Variants in GPC5 observed in about 807,000 individuals in gnomAD.
GPC5 encodes glypican-5.
Under a neutral mutation model 53.9 loss-of-function variants are expected in GPC5, and 47 were observed. The ratio of observed to expected loss-of-function variants is 0.87; its 90% CI spans 0.69 to 1.11. GPC5 has a LOEUF of 1.11. GPC5 is among the 50% of genes most tolerant of loss of function. The pLI, the probability that GPC5 is intolerant of heterozygous loss-of-function variation, is 0.00. For synonymous variants in GPC5, 286 were observed against 263.3 expected, an observed-to-expected ratio of 1.09 and a Z score of -0.84; for missense variants, 748 against 713.1, an observed-to-expected ratio of 1.05 and a Z score of -0.56.
chr13:91,916,840 T>A (rs900228221), intron 6 of GPC5, among the ~76,000 whole-genome samples: 1 of 152,006 alleles, frequency 6.6e-6, no homozygotes, highest in African/African-American at 2.4e-5. Flanking sequence ...GAAAACAGCA[T>A]CAGAAACCAC....
intron 3 of GPC5, among the ~76,000 whole-genome samples, chr13:91,698,499 A>C (rs1424630159): frequency 2.0e-5 from 3 of 152,172 alleles, no homozygotes; most frequent in Non-Finnish European, 4.4e-5. Context: ...GAAAAGTTAA[A>C]GTAGCAGCCT....
chr13:92,564,769 T>G (rs1005014379), intron 7 of GPC5, among the ~76,000 whole-genome samples: 1 of 152,042 alleles, frequency 6.6e-6, no homozygotes, highest in African/African-American at 2.4e-5. Context: ...GGTAAGAACA[T>G]GTGGAATTTG....
In GPC5 at chr13:91,706,164, C is replaced by A. The variant is rs183438159; in HGVS notation, c.1020+12283C>A. ...AAAGTGTTGGGATTACAGGCATGAG[C>A]CACCGCACCTGGCCCTAGCTACATG... On this transcript the variant is annotated intron_variant, in intron 3 of 7. Transcript: ENST00000377067. 4.4e-3 allele frequency among the ~76,000 whole-genome samples: 664 copies of A among 152,038 alleles called. 3 individuals are homozygous for A. Among genetic ancestry groups the A allele is most frequent in the Admixed American group, 0.011 (164 of 15,276 alleles).
intron 2 of GPC5, among the ~76,000 whole-genome samples, chr13:91,542,623 C>A (rs1415015092): frequency 6.6e-6 from 1 of 152,198 alleles, no homozygotes; most frequent in Non-Finnish European, 1.5e-5. Flanking sequence ...TTGCATCCCT[C>A]CTTAGGGCTC....
chr13:91,752,269 T>C (rs1034249784), intron 4 of GPC5, among the ~76,000 whole-genome samples: 2 of 152,224 alleles, frequency 1.3e-5, no homozygotes, highest in African/African-American at 2.4e-5. Flanking sequence ...TATGTATGTA[T>C]AGACAGGGTC....
intron 2 of GPC5, among the ~76,000 whole-genome samples, chr13:91,504,829 C>G (rs1294898741): frequency 6.6e-6 from 1 of 152,016 alleles, no homozygotes; most frequent in East Asian, 1.9e-4. Context: ...TGGCATGCAC[C>G]TGTAGTCCCA....
chr13:92,107,332 C>T (rs895001313), intron 6 of GPC5, among the ~76,000 whole-genome samples: 1 of 151,566 alleles, frequency 6.6e-6, no homozygotes, highest in African/African-American at 2.4e-5. Context: ...TGGCAGTATA[C>T]CTGGTAAATA....
At chr13:92,278,039 C>A (rs1368842625) in intron 7 of GPC5, among the ~76,000 whole-genome samples, 1 of 151,768 alleles carries the variant, frequency 6.6e-6, no homozygotes, top group Non-Finnish European at 1.5e-5. Context: ...TAGGCTATTA[C>A]TCTCTGGAGT....
At chr13:91,658,050 A>G (rs1412295022) in intron 2 of GPC5, among the ~76,000 whole-genome samples, 1 of 152,120 alleles carries the variant, frequency 6.6e-6, no homozygotes, top group East Asian at 1.9e-4. Context: ...TGTCTTCAAG[A>G]ATTTCCTCTT....
intron 6 of GPC5, among the ~76,000 whole-genome samples, chr13:92,104,282 T>C (rs1233380731): frequency 6.6e-6 from 1 of 152,180 alleles, no homozygotes; most frequent in Non-Finnish European, 1.5e-5. Context: ...AGGGGTACAG[T>C]ATAGATCAAA....
chr13:91,816,822 G>A (rs1374130425), intron 5 of GPC5, among the ~76,000 whole-genome samples: 1 of 152,106 alleles, frequency 6.6e-6, no homozygotes, highest in Non-Finnish European at 1.5e-5. Context: ...CTTGAGGTTA[G>A]CAATCATGTG....
At chr13:92,492,118 G>A (rs1039904602) in intron 7 of GPC5, among the ~76,000 whole-genome samples, 1 of 152,056 alleles carries the variant, frequency 6.6e-6, no homozygotes, top group Non-Finnish European at 1.5e-5. Flanking sequence ...AATACATATA[G>A]AAGAAGCAGG....
chr13:91,772,457 C>T lies in GPC5; in HGVS notation c.1280+16037C>T, dbSNP rs529540110. ...ATGTTATTGTCAGTACATAATCATACATTTGGGCTCATTTTGAGAAGTTTA... is the reference window on the plus strand; with the variant it reads ...ATGTTATTGTCAGTACATAATCATATATTTGGGCTCATTTTGAGAAGTTTA... On this transcript the variant is annotated intron_variant, in intron 5 of 7. Transcript: ENST00000377067. Among the ~76,000 whole-genome samples, 5 of 152,198 alleles carry T rather than the reference C, an allele frequency of 3.3e-5. No individual in the cohort carries two copies. In the South Asian group the frequency reaches 8.3e-4, roughly 25 times the overall value.
intron 7 of GPC5, among the ~76,000 whole-genome samples, chr13:92,653,513 T>C (rs1050479060): frequency 6.6e-6 from 1 of 152,162 alleles, no homozygotes; most frequent in African/African-American, 2.4e-5. Context: ...ACCCCATGCA[T>C]CACTTAAGAT....
chr13:92,757,731 A>G (rs1204442710), intron 7 of GPC5, among the ~76,000 whole-genome samples: 1 of 152,242 alleles, frequency 6.6e-6, no homozygotes, highest in Non-Finnish European at 1.5e-5. Flanking sequence ...ACATGAAAAA[A>G]TGCTCATCAT....
rs1250662601 is a variant in GPC5 at position 92,727,292 on chromosome 13, A to AATC, written c.1562-138989_1562-138987dup. Among the ~76,000 whole-genome samples, 3 of 151,666 alleles carry AATC rather than the reference A, an allele frequency of 2.0e-5. No individual in the cohort carries two copies. In the South Asian group the frequency reaches 6.2e-4, roughly 31 times the overall value. Reference sequence around the variant, plus strand: ...TAAACACTATTATGAAATTTAGTCTAATCTTTTTGGGTTAATTCAAACATT... The same window carrying AATC: ...TAAACACTATTATGAAATTTAGTCTAATCATCTTTTTGGGTTAATTCAAACATT... On this transcript the variant is annotated intron_variant, in intron 7 of 7. Transcript: ENST00000377067.
intron 5 of GPC5, among the ~76,000 whole-genome samples, chr13:91,870,579 G>A (rs2039133338): frequency 6.6e-6 from 1 of 152,276 alleles, no homozygotes; most frequent in Non-Finnish European, 1.5e-5. Flanking sequence ...CACTTACCAT[G>A]AGTAAAGCAC....
intron 7 of GPC5, among the ~76,000 whole-genome samples, chr13:92,808,834 C>T (rs1169078094): frequency 1.3e-5 from 2 of 151,446 alleles, no homozygotes; most frequent in Non-Finnish European, 3.0e-5. Context: ...ACAGCATTTC[C>T]CCAAAAAAAC....
chr13:92,707,957 C>T (rs898309620), intron 7 of GPC5, among the ~76,000 whole-genome samples: 4 of 151,880 alleles, frequency 2.6e-5, no homozygotes. Flanking sequence ...CAAAGATGAC[C>T]AATTATTGCA....
Sources: gnomAD v4.1 joint callset for allele counts (sites outside exome capture counted in the v4.1 genomes callset) on GRCh38, gnomAD v4.1.1 for gene constraint, MANE v1.5 for transcripts, NCBI Gene and HGNC (gene_info 2026-07-23, HGNC 2026-07-21) for gene names.